The following PLPP4 variants were observed in gnomAD, a reference collection of about 807,000 sequenced individuals.
PLPP4 encodes diacylglycerol pyrophosphate like 2.
Under a neutral mutation model 32.2 loss-of-function variants are expected in PLPP4, and 20 were observed. The ratio of observed to expected loss-of-function variants is 0.62; its 90% confidence interval spans 0.44 to 0.90. The LOEUF is 0.90. Ranked by LOEUF, PLPP4 falls within the 40% of genes least tolerant of loss-of-function variation. The pLI is 0.00. For synonymous variants in PLPP4, 127 were observed against 133.0 expected, an observed-to-expected ratio of 0.95 and a Z score of 0.31; for missense variants, 257 against 353.1, an observed-to-expected ratio of 0.73 and a Z score of 2.18.
At chr10:120,534,497 A>T (rs763281498) in intron 5 of PLPP4, among the ~76,000 whole-genome samples, 3 of 151,852 alleles carry the variant, frequency 2.0e-5, no homozygotes, top group South Asian at 2.1e-4. Flanking sequence ...CGAATTTAGG[A>T]TGTTTTCAGC....
chr10:120,514,839 C>T (rs560338632), intron 3 of PLPP4, among the ~76,000 whole-genome samples: 1 of 152,292 alleles, frequency 6.6e-6, no homozygotes, highest in Admixed American at 6.5e-5. Context: ...CCCAAATCCT[C>T]AGCCCAAATT....
chr10:120,563,535 T>C (rs1301693007), intron 5 of PLPP4, among the ~76,000 whole-genome samples: 2 of 148,858 alleles, frequency 1.3e-5, no homozygotes, highest in Non-Finnish European at 2.9e-5. Flanking sequence ...GCGCGGTGGC[T>C]CACGCCTGTA....
chr10:120,485,994 C>G (rs1236460558), intron 1 of PLPP4, among the ~76,000 whole-genome samples: 1 of 152,180 alleles, frequency 6.6e-6, no homozygotes, highest in Non-Finnish European at 1.5e-5. Flanking sequence ...GTTAGAAGCT[C>G]CCAAACCCTA....
intron 5 of PLPP4, among the ~76,000 whole-genome samples, chr10:120,574,599 A>G (rs992777052): frequency 6.6e-6 from 1 of 152,188 alleles, no homozygotes; most frequent in Non-Finnish European, 1.5e-5. Context: ...ATCTTACTGA[A>G]TGCCACCATT....
rs1430080506 is a variant in PLPP4, at chr10:120,589,924, TG to T, written c.*423del. The stretch of plus-strand genomic sequence containing the variant: ...TTTCTCAGAGACCCAAAGCCAGCTC[TG>T]TCTGTAGGTCATTCCAGGTGCTGAG... On this transcript the variant is annotated 3_prime_UTR_variant, in exon 7 of 7. Coordinates refer to ENST00000398250, the MANE Select transcript of PLPP4 (RefSeq NM_001030059.3). 1 of 164,742 alleles carries T rather than the reference TG, an allele frequency of 6.1e-6. No individual in the cohort carries two copies. Among genetic ancestry groups the T allele is most frequent in the Non-Finnish European group, 1.3e-5 (1 of 76,310 alleles). The allele number at this position is 164,742 out of a possible 1,614,324, so 10.2% of individuals were successfully genotyped here.
intron 5 of PLPP4, among the ~76,000 whole-genome samples, chr10:120,563,100 A>G (rs1291638184): frequency 2.0e-5 from 3 of 152,174 alleles, no homozygotes; most frequent in African/African-American, 4.8e-5. Flanking sequence ...TTAGCCAGGC[A>G]TGTTGGCAGA....
chr10:120,555,647 G>A (rs943446793), intron 5 of PLPP4, among the ~76,000 whole-genome samples: 2 of 152,188 alleles, frequency 1.3e-5, no homozygotes, highest in South Asian at 2.1e-4. Context: ...GAAAGAGCAC[G>A]GGTCTGCCTG....
intron 6 of PLPP4, among the ~76,000 whole-genome samples, chr10:120,579,278 G>T (rs1849370399): frequency 6.6e-6 from 1 of 152,130 alleles, no homozygotes; most frequent in Non-Finnish European, 1.5e-5. Flanking sequence ...TTATAAGAAA[G>T]AACATCCCCC....
chr10:120,485,300 A>G (rs1254850913), intron 1 of PLPP4, among the ~76,000 whole-genome samples: 1 of 152,240 alleles, frequency 6.6e-6, no homozygotes, highest in Non-Finnish European at 1.5e-5. Flanking sequence ...TGCCTGGCAC[A>G]GGCTTTAAGC....
At chr10:120,563,226 C>T (rs766958262) in intron 5 of PLPP4, among the ~76,000 whole-genome samples, 22 of 151,854 alleles carry the variant, frequency 1.4e-4, no homozygotes, top group Non-Finnish European at 2.9e-4. Context: ...GTAACAAGAG[C>T]GAAACCCCAT....
intron 1 of PLPP4, among the ~76,000 whole-genome samples, chr10:120,457,871 C>T (rs1014766492): frequency 6.6e-6 from 1 of 152,206 alleles, no homozygotes; most frequent in Non-Finnish European, 1.5e-5. Context: ...CGGCGCTTCT[C>T]CTACTGAGAA....
At chr10:120,474,692 A>G (rs1843817365) in intron 1 of PLPP4, among the ~76,000 whole-genome samples, 1 of 152,216 alleles carries the variant, frequency 6.6e-6, no homozygotes. Flanking sequence ...AAAAAATCAT[A>G]TTGTTCATTA....
intron 1 of PLPP4, 128 bp from the exon 2 acceptor site, chr10:120,503,690 C>G: frequency 1.3e-6 from 2 of 1,589,012 alleles, no homozygotes; most frequent in Middle Eastern, 1.7e-4. Flanking sequence ...ACAGCAGGGC[C>G]TGTCTCTTTC....
chr10:120,573,856 C>T (rs1849056185), intron 5 of PLPP4, among the ~76,000 whole-genome samples: 1 of 152,114 alleles, frequency 6.6e-6, no homozygotes, highest in African/African-American at 2.4e-5. Context: ...GCATTTGTCA[C>T]AAATGCCTGC....
chr10:120,589,281 T>G (rs1849907400), intron 6 of PLPP4, 22 bp from the exon 7 acceptor site: 1 of 1,611,980 alleles, frequency 6.2e-7, no homozygotes, highest in South Asian at 1.1e-5. Flanking sequence ...CCATTTTTCC[T>G]GCTCTGCTGT....
Position 120,469,633 on chromosome 10 carries a change from A to C in PLPP4, c.56+12272A>C, listed in dbSNP as rs372711638. 7.9e-4 allele frequency among the ~76,000 whole-genome samples: 121 copies of C among 152,332 alleles called. 1 individual carries two copies. The highest frequency in any genetic ancestry group is 2.7e-3 in the African/African-American group (114 of 41,576). The stretch of plus-strand genomic sequence containing the variant: ...TCTCCTCACTTACATTTATTTCAGG[A>C]TTATAAAATACTTGTGAAAATTAAA... On this transcript the variant is annotated intron_variant, in intron 1 of 6. Coordinates refer to ENST00000398250, the MANE Select transcript of PLPP4 (RefSeq NM_001030059.3).
Position 120,575,239 on chromosome 10 carries a change from C to A in PLPP4, c.554C>A (p.Pro185His). ...TGGCGGCTCTGTGCTGCCATCCTGCCCTTGTACTGCGCCATGATGATTGCC... is the reference window on the plus strand; with the variant it reads ...TGGCGGCTCTGTGCTGCCATCCTGCACTTGTACTGCGCCATGATGATTGCC... ...KSWRLCAAILPLYCAMMIALS... is the reference protein window; with the variant it reads ...KSWRLCAAILHLYCAMMIALS... Residue 185 changes from proline (P) to histidine (H), a missense_variant, in exon 6 of 7, where the codon CCC becomes CAC. Physicochemically the swap from Pro to His is moderately conservative, Grantham distance 77. Coordinates refer to ENST00000398250, the MANE Select transcript of PLPP4 (RefSeq NM_001030059.3). The A allele has an allele frequency of 6.2e-7, 1 of 1,614,140 alleles. No individual in the cohort carries two copies.
intron 5 of PLPP4, among the ~76,000 whole-genome samples, chr10:120,574,506 C>A (rs1849119830): frequency 6.6e-6 from 1 of 152,146 alleles, no homozygotes; most frequent in South Asian, 2.1e-4. Context: ...AAAACAATAA[C>A]CATTATTTCG....
intron 1 of PLPP4, among the ~76,000 whole-genome samples, chr10:120,485,901 TA>T (rs1564788747): frequency 6.6e-6 from 1 of 152,110 alleles, no homozygotes. Flanking sequence ...GTGATATTTT[TA>T]AAAGCTCAAC....
Sources: allele counts gnomAD v4.1 joint callset (sites outside exome capture counted in the v4.1 genomes callset), GRCh38; gene constraint gnomAD v4.1.1; transcripts MANE v1.5; gene names NCBI Gene and HGNC (gene_info 2026-07-23, HGNC 2026-07-21).